Variants in PKDREJ observed in about 807,000 individuals in gnomAD.
PKDREJ encodes PKD and REJ homolog.
For synonymous variants in PKDREJ, 1,031 were observed against 1,095.5 expected, an observed-to-expected ratio of 0.94 and a Z score of 1.16; for missense variants, 2,507 against 2,807.2, an observed-to-expected ratio of 0.89 and a Z score of 2.42.
rs760940503 is a variant in PKDREJ at position 46,260,427 on chromosome 22, G to A, written c.2896C>T (p.Leu966Phe). ...ACCTCGCTGTTGGGTCCCACTGTGA[G>A]ATTAAAAGCTGCAAAGGTCAAGTTT... ...RKNLTFAAFN[L>F]TVGPNSEVDG... The change falls in exon 1 of 1, where the codon CTC becomes TTC. Residue 966 changes from leucine to phenylalanine, a missense_variant. Transcript: ENST00000253255. The surrounding 1 kb of genome is among the most constrained non-coding windows in gnomAD (Gnocchi z 4.5). 9.3e-6 allele frequency: 15 copies of A among 1,614,078 alleles called. No individual in the cohort carries two copies. Among genetic ancestry groups the A allele is most frequent in the Non-Finnish European group, 1.3e-5 (15 of 1,180,038 alleles).
rs777342821 is a variant in PKDREJ, at chr22:46,261,519, C to T, written c.1804G>A (p.Asp602Asn). The part of the protein sequence containing the change: ...VPLTYKIIVS[D>N]LHSVGEISSV... ...CTGATTTCACCAACACTGTGCAAAT[C>T]AGAAACAATTATTTTATATGTAAGA... Residue 602 changes from aspartate (D) to asparagine (N), a missense_variant, in exon 1 of 1, where the codon GAT (aspartate) becomes AAT (asparagine). Transcript: ENST00000253255. The surrounding 1 kb of genome is among the most constrained non-coding windows in gnomAD (Gnocchi z 7.1). 1 of 1,614,108 alleles carries T rather than the reference C, an allele frequency of 6.2e-7. No individual in the cohort carries two copies. The highest frequency in any genetic ancestry group is 1.7e-5 in the Admixed American group (1 of 60,016).
Position 46,258,533 on chromosome 22 carries a change from A to G in PKDREJ, c.4790T>C (p.Phe1597Ser), listed in dbSNP as rs748157465. Residue 1597 changes from phenylalanine to serine, a missense_variant, in exon 1 of 1, where the codon TTT (phenylalanine) becomes TCT (serine). Coordinates refer to ENST00000253255, the MANE Select transcript of PKDREJ (RefSeq NM_006071.2). The surrounding 1 kb of genome is among the most constrained non-coding windows in gnomAD (Gnocchi z 6.1). ...GTCATAGCCGTAAGTCAGTCCATAA[A>G]ATACAATGAAGAATGAGGATATGCT... ...TSSISSFFIV[F>S]YGLTYGYDKS... 6.2e-7 allele frequency: 1 copy of G among 1,614,244 alleles called. No individual in the cohort carries two copies. Among genetic ancestry groups the G allele is most frequent in the African/African-American group, 1.3e-5 (1 of 75,072 alleles).
chr22:46,261,508 A>G lies in PKDREJ; in HGVS notation c.1815T>C (p.Ser605=), dbSNP rs367597836. 6.2e-7 allele frequency: 1 copy of G among 1,613,990 alleles called. No individual in the cohort carries two copies. The highest frequency in any genetic ancestry group is 8.5e-7 in the Non-Finnish European group (1 of 1,179,862). ...CTTTTACTGAACTGATTTCACCAAC[A>G]CTGTGCAAATCAGAAACAATTATTT... ...TYKIIVSDLH[S]VGEISSVKEN... The change falls in exon 1 of 1, where the codon AGT becomes AGC. Residue 605 remains serine (S), a synonymous_variant. Transcript: ENST00000253255. The surrounding 1 kb of genome is among the most constrained non-coding windows in gnomAD (Gnocchi z 7.1).
In PKDREJ at chr22:46,259,584, TG is replaced by T; in HGVS notation, c.3738del (p.Arg1247GlyfsTer12). On this transcript the variant is annotated frameshift_variant, in exon 1 of 1. Transcript: ENST00000253255. LOFTEE classifies it low-confidence loss of function (END_TRUNC). The surrounding 1 kb of genome is among the most constrained non-coding windows in gnomAD (Gnocchi z 6.8). ...CTAAGTTGCACAAAGACATTGGCCCTGGTCCCAGACCCCCAACGACTTCCTG... is the reference window on the plus strand; with the variant it reads ...CTAAGTTGCACAAAGACATTGGCCCTGTCCCAGACCCCCAACGACTTCCTG... The part of the protein sequence containing the change: ...IFTGSRWGSG[T>X]RANVFVQLRG... 1 of 1,614,216 alleles carries T rather than the reference TG, an allele frequency of 6.2e-7. No individual in the cohort carries two copies. Among genetic ancestry groups the T allele is most frequent in the Non-Finnish European group, 8.5e-7 (1 of 1,180,030 alleles).
In PKDREJ at chr22:46,261,981, C is replaced by G. The variant is rs757679304; in HGVS notation, c.1342G>C (p.Val448Leu). Reference protein sequence around the residue: ...DSRTAFSDKRVHVLQGPKAIA... With the variant: ...DSRTAFSDKRLHVLQGPKAIA... ...GCTTTTGGTCCTTGGAGCACGTGGA[C>G]CCTCTTATCAGAAAACGCTGTCCTA... Residue 448 changes from valine (V) to leucine (L), a missense_variant, in exon 1 of 1, where the codon GTC (valine) becomes CTC (leucine). Transcript: ENST00000253255. The surrounding 1 kb of genome is among the most constrained non-coding windows in gnomAD (Gnocchi z 7.1). 19 of 1,614,082 alleles carry G rather than the reference C, an allele frequency of 1.2e-5. No homozygotes were observed. Among genetic ancestry groups the G allele is most frequent in the Non-Finnish European group, 1.6e-5 (19 of 1,180,014 alleles).
At position 46,257,904 on chromosome 22, in the gene PKDREJ, G is replaced by C. The variant is rs1936650668; in HGVS notation, c.5419C>G (p.Leu1807Val). Reference sequence around the variant, plus strand: ...TTTTGCACAAACTTTTCGGCAGGTAGACACATTTTTTCACTAGATTTTGCT... The same window carrying C: ...TTTTGCACAAACTTTTCGGCAGGTACACACATTTTTTCACTAGATTTTGCT... Reference protein sequence around the residue: ...VRAKSSEKMCLPAEKFVQNSI... With the variant: ...VRAKSSEKMCVPAEKFVQNSI... Residue 1807 changes from leucine (L) to valine (V), a missense_variant, in exon 1 of 1, where the codon CTA becomes GTA. Physicochemically the swap from Leu to Val is conservative, Grantham distance 32. Transcript: ENST00000253255. The surrounding 1 kb of genome is among the most constrained non-coding windows in gnomAD (Gnocchi z 4.7). 2 of 1,614,096 alleles carry C rather than the reference G, an allele frequency of 1.2e-6. No individual in the cohort carries two copies. Among genetic ancestry groups the C allele is most frequent in the South Asian group, 2.2e-5 (2 of 91,050 alleles).
Position 46,260,955 on chromosome 22 carries a change from C to T in PKDREJ, c.2368G>A (p.Glu790Lys), listed in dbSNP as rs1336400194. ...RVWQANQALQ[E>K]YQQKDKRFRS... The stretch of plus-strand genomic sequence containing the variant: ...AAGCGTTTATCTTTTTGCTGATACT[C>T]TTGTAGGGCTTGATTTGCTTGCCAT... Residue 790 changes from glutamate (E) to lysine (K), a missense_variant, in exon 1 of 1, where the codon GAG (glutamate) becomes AAG (lysine). Glu to Lys is a moderately conservative substitution (Grantham distance 56, BLOSUM62 1). Transcript: ENST00000253255. This position sits in a 1 kb window ranked among gnomAD's most constrained non-coding sequence, Gnocchi z 4.5. 6.2e-7 allele frequency: 1 copy of T among 1,614,054 alleles called. No homozygotes were observed. Among genetic ancestry groups the T allele is most frequent in the African/African-American group, 1.3e-5 (1 of 74,928 alleles).
chr22:46,260,824 T>G lies in PKDREJ; in HGVS notation c.2499A>C (p.Val833=). The G allele has an allele frequency of 1.2e-6, 2 of 1,613,708 alleles. No individual in the cohort carries two copies. The highest frequency in any genetic ancestry group is 1.7e-6 in the Non-Finnish European group (2 of 1,179,630). The change falls in exon 1 of 1, where the codon GTA becomes GTC. Residue 833 remains valine (V), a synonymous_variant. Transcript: ENST00000253255. The surrounding 1 kb of genome is among the most constrained non-coding windows in gnomAD (Gnocchi z 4.5). ...PHQVVKDPFY[V]IESLSDTILA... The stretch of plus-strand genomic sequence containing the variant: ...GTATTGTGTCTGATAGAGATTCTAT[T>G]ACATAGAAAGGATCTTTAACTACTT...
At position 46,258,600 on chromosome 22, in the gene PKDREJ, A is replaced by G. The variant is rs772608122; in HGVS notation, c.4723T>C (p.Trp1575Arg). The change falls in exon 1 of 1, where the codon TGG becomes CGG. Residue 1575 changes from tryptophan (W) to arginine (R), a missense_variant. By Grantham distance (101) the Trp-to-Arg change is moderately radical (BLOSUM62 -3). Transcript: ENST00000253255. The surrounding 1 kb of genome is among the most constrained non-coding windows in gnomAD (Gnocchi z 6.1). ...KKKPRIVLPW[W>R]CVYVAWFLVF... ...AAAAACCATGCAACATAAACACACC[A>G]CCAAGGTAGGACGATCCGGGGCTTT... 6.2e-6 allele frequency: 10 copies of G among 1,614,040 alleles called. No homozygotes were observed. The highest frequency in any genetic ancestry group is 1.6e-4 in the Middle Eastern group (1 of 6,084).
At position 46,257,630 on chromosome 22, in the gene PKDREJ, A is replaced by G. The variant is rs762448529; in HGVS notation, c.5693T>C (p.Leu1898Pro). The G allele has an allele frequency of 8.1e-6, 13 of 1,613,988 alleles. No homozygotes were observed. The highest frequency in any genetic ancestry group is 1.0e-5 in the Non-Finnish European group (12 of 1,179,998). The change falls in exon 1 of 1, where the codon CTC becomes CCC. Residue 1898 changes from leucine to proline, a missense_variant. Physicochemically the swap from Leu to Pro is moderately conservative, Grantham distance 98. Transcript: ENST00000253255. The surrounding 1 kb of genome is among the most constrained non-coding windows in gnomAD (Gnocchi z 4.7). ...CCAATTGCTTTCTTGAAGTTCTTTG[A>G]GCCTCAGTGTGGAATTAAACCGCTG... ...EQQRFNSTLRLKELQESNWLD... is the reference protein window; with the variant it reads ...EQQRFNSTLRPKELQESNWLD...
In PKDREJ at chr22:46,263,109, TC is replaced by T; in HGVS notation, c.213del (p.Ser72AlafsTer55). The T allele has an allele frequency of 1.5e-6, 2 of 1,297,704 alleles. No homozygotes were observed. The highest frequency in any genetic ancestry group is 3.5e-5 in the South Asian group (2 of 57,368). 80.4% of individuals were successfully genotyped at this position (1,297,704 alleles called of 1,614,324 possible). ...GGGAAGCAGAGGCTGCCGCGGCCGCTCAGGACAGCGCCGCCCGCCCGCACCG... is the reference window on the plus strand; with the variant it reads ...GGGAAGCAGAGGCTGCCGCGGCCGCTAGGACAGCGCCGCCCGCCCGCACCG... ...PSAVRAGGAVLSGRGSLCFPH... is the reference protein window; with the variant it reads ...PSAVRAGGAVXSGRGSLCFPH... On this transcript the variant is annotated frameshift_variant, in exon 1 of 1. Transcript: ENST00000253255. LOFTEE classifies it low-confidence loss of function (END_TRUNC). The surrounding 1 kb of genome is among the most constrained non-coding windows in gnomAD (Gnocchi z 9.4).
In PKDREJ at chr22:46,260,514, C is replaced by A. The variant is rs1205521754; in HGVS notation, c.2809G>T (p.Ala937Ser). ...EVSGFRMTGVADNGSVLEITP... is the reference protein window; with the variant it reads ...EVSGFRMTGVSDNGSVLEITP... ...ATCTCTAGCACACTACCGTTATCTG[C>A]AACTCCTGTCATTCTGAATCCAGAC... is the stretch of plus-strand genomic sequence containing the variant. Residue 937 changes from alanine (A) to serine (S), a missense_variant, in exon 1 of 1, where the codon GCA becomes TCA. Physicochemically the swap from Ala to Ser is moderately conservative, Grantham distance 99. Transcript: ENST00000253255. This position sits in a 1 kb window ranked among gnomAD's most constrained non-coding sequence, Gnocchi z 4.5. 1 of 1,614,062 alleles carries A rather than the reference C, an allele frequency of 6.2e-7. No homozygotes were observed. Among genetic ancestry groups the A allele is most frequent in the African/African-American group, 1.3e-5 (1 of 74,932 alleles).
chr22:46,261,205 T>C lies in PKDREJ; in HGVS notation c.2118A>G (p.Ala706=). 6.2e-7 allele frequency: 1 copy of C among 1,614,096 alleles called. No homozygotes were observed. The highest frequency in any genetic ancestry group is 8.5e-7 in the Non-Finnish European group (1 of 1,180,020). ...TLIQKKDFLP[A]GYLLYIVASV... Reference sequence around the variant, plus strand: ...AAGCTACTATATACAGTAAGTAACCTGCAGGTAAAAAATCCTTCTTTTGAA... The same window carrying C: ...AAGCTACTATATACAGTAAGTAACCCGCAGGTAAAAAATCCTTCTTTTGAA... Residue 706 remains alanine, a synonymous_variant, in exon 1 of 1, where the codon GCA becomes GCG. Coordinates refer to ENST00000253255, the MANE Select transcript of PKDREJ (RefSeq NM_006071.2). This position sits in a 1 kb window ranked among gnomAD's most constrained non-coding sequence, Gnocchi z 7.1.
In PKDREJ at chr22:46,261,581, A is replaced by G; in HGVS notation, c.1742T>C (p.Val581Ala). The G allele has an allele frequency of 6.2e-7, 1 of 1,613,892 alleles. No individual in the cohort carries two copies. The highest frequency in any genetic ancestry group is 1.1e-5 in the South Asian group (1 of 91,062). Residue 581 changes from valine to alanine, a missense_variant, in exon 1 of 1, where the codon GTT becomes GCT. Val to Ala is a moderately conservative substitution (Grantham distance 64). Transcript: ENST00000253255. This position sits in a 1 kb window ranked among gnomAD's most constrained non-coding sequence, Gnocchi z 7.1. The stretch of plus-strand genomic sequence containing the variant: ...ATCCCTAAAATTACTACACTGGACA[A>G]CAAATTTAGTAATAAGTGCAATTCC... ...AKGIALITKFVVQCSNFRDKH... is the reference protein window; with the variant it reads ...AKGIALITKFAVQCSNFRDKH...
chr22:46,262,651 C>A lies in PKDREJ; in HGVS notation c.672G>T (p.Thr224=). ...GGCGCACGGGGGCGCCCTTCTGGTC[C>A]GTGTTGATCCTCACGCGCTGGATGA... ...ACVIQRVRIN[T]DQKGAPVRLS... is the part of the protein sequence containing the mutation. The change falls in exon 1 of 1, where the codon ACG becomes ACT. Residue 224 remains threonine (T), a synonymous_variant. Coordinates refer to ENST00000253255, the MANE Select transcript of PKDREJ (RefSeq NM_006071.2). The surrounding 1 kb of genome is among the most constrained non-coding windows in gnomAD (Gnocchi z 8.1). The A allele has an allele frequency of 1.9e-6, 3 of 1,613,132 alleles. No individual in the cohort carries two copies. The highest frequency in any genetic ancestry group is 2.5e-6 in the Non-Finnish European group (3 of 1,179,740).
Position 46,256,669 on chromosome 22 carries a change from C to T in PKDREJ, c.6654G>A (p.Glu2218=). 1 of 1,614,220 alleles carries T rather than the reference C, an allele frequency of 6.2e-7. No individual in the cohort carries two copies. The highest frequency in any genetic ancestry group is 1.3e-5 in the African/African-American group (1 of 75,062). ...TSQSKAKDEP[E]FFIDMLYGQP... ...GCCCATACAGCATGTCAATAAAGAACTCAGGCTCATCTTTGGCCTTAGATT... is the reference window on the plus strand; with the variant it reads ...GCCCATACAGCATGTCAATAAAGAATTCAGGCTCATCTTTGGCCTTAGATT... The change falls in exon 1 of 1, where the codon GAG becomes GAA. Residue 2218 remains glutamate, a synonymous_variant. Coordinates refer to ENST00000253255, the MANE Select transcript of PKDREJ (RefSeq NM_006071.2). This position sits in a 1 kb window ranked among gnomAD's most constrained non-coding sequence, Gnocchi z 5.3.
At position 46,260,410 on chromosome 22, in the gene PKDREJ, G is replaced by A; in HGVS notation, c.2913C>T (p.Asn971=). 1 of 1,614,216 alleles carries A rather than the reference G, an allele frequency of 6.2e-7. No individual in the cohort carries two copies. The highest frequency in any genetic ancestry group is 8.5e-7 in the Non-Finnish European group (1 of 1,180,044). ...FAAFNLTVGP[N]SEVDGSLKKT... Reference sequence around the variant, plus strand: ...TCTTCAAGGACCCATCAACCTCGCTGTTGGGTCCCACTGTGAGATTAAAAG... The same window carrying A: ...TCTTCAAGGACCCATCAACCTCGCTATTGGGTCCCACTGTGAGATTAAAAG... Residue 971 remains asparagine (N), a synonymous_variant, in exon 1 of 1, where the codon AAC becomes AAT. Transcript: ENST00000253255. The surrounding 1 kb of genome is among the most constrained non-coding windows in gnomAD (Gnocchi z 4.5).
At position 46,260,168 on chromosome 22, in the gene PKDREJ, T is replaced by G. The variant is rs75522014; in HGVS notation, c.3155A>C (p.Lys1052Thr). The G allele has an allele frequency of 5.0e-6, 8 of 1,614,122 alleles. No homozygotes were observed. The East Asian group carries it at 1.8e-4, about 36-fold the overall frequency. ...ALFDPACTVK[K>T]ARVVCLPVSL... The stretch of plus-strand genomic sequence containing the variant: ...CACAGGGAGGCAGACTACACGGGCC[T>G]TCTTCACTGTGCAGGCTGGGTCAAA... The change falls in exon 1 of 1, where the codon AAG becomes ACG. Residue 1052 changes from lysine (K) to threonine (T), a missense_variant. Lys to Thr is a moderately conservative substitution (Grantham distance 78, BLOSUM62 -1). Transcript: ENST00000253255. The surrounding 1 kb of genome is among the most constrained non-coding windows in gnomAD (Gnocchi z 4.5).
chr22:46,256,370 C>G lies in PKDREJ; in HGVS notation c.*191G>C. ...TCCTGCTGTCTCCCCAGATGCTACACTACACTCCCAACTTTTACACTCCCA... is the reference window on the plus strand; with the variant it reads ...TCCTGCTGTCTCCCCAGATGCTACAGTACACTCCCAACTTTTACACTCCCA... On this transcript the variant is annotated 3_prime_UTR_variant, in exon 1 of 1. Transcript: ENST00000253255. This position sits in a 1 kb window ranked among gnomAD's most constrained non-coding sequence, Gnocchi z 5.3. 3 of 932,642 alleles carry G rather than the reference C, an allele frequency of 3.2e-6. No homozygotes were observed. Among genetic ancestry groups the G allele is most frequent in the Non-Finnish European group, 4.7e-6 (3 of 640,850 alleles). The allele number at this position is 932,642 out of a possible 1,614,324, so 57.8% of individuals were successfully genotyped here. A position where few individuals can be genotyped will look rare whatever the true frequency, so the allele number is the denominator to read the frequency against.
Sources: allele counts gnomAD v4.1 joint callset, GRCh38; gene constraint gnomAD v4.1.1; non-coding constraint Gnocchi (gnomAD v3.1); transcripts MANE v1.5; gene names NCBI Gene and HGNC (gene_info 2026-07-23, HGNC 2026-07-21).